The following METTL21C variants were observed in gnomAD, a reference collection of about 807,000 sequenced individuals.
METTL21C encodes the protein methyltransferase 21C, AARS1 lysine, also known as protein-lysine methyltransferase METTL21C.
Under a neutral mutation model 25.9 loss-of-function variants are expected in METTL21C, and 21 were observed. That is an observed-to-expected ratio of 0.81 (90% CI 0.58 to 1.17). The LOEUF (loss-of-function observed/expected upper bound fraction) is 1.17. METTL21C is among the 50% of genes most tolerant of loss of function. The pLI is 0.00. For missense variants in METTL21C, 312 were observed against 315.1 expected, an observed-to-expected ratio of 0.99 and a Z score of 0.07; for synonymous variants, 125 against 124.7, an observed-to-expected ratio of 1.00 and a Z score of -0.01.
Position 102,686,153 on chromosome 13 carries a change from A to T in METTL21C, c.673T>A (p.Phe225Ile). 1 of 1,614,198 alleles carries T rather than the reference A, an allele frequency of 6.2e-7. No homozygotes were observed. Among genetic ancestry groups the T allele is most frequent in the South Asian group, 1.1e-5 (1 of 91,080 alleles). ...PGTVLLWANK[F>I]RFSTDYEFLD... The stretch of plus-strand genomic sequence containing the variant: ...AATTCATAGTCGGTGCTGAACCTGA[A>T]TTTGTTTGCCCAAAGCAGCACCGTC... The change falls in exon 4 of 4, where the codon TTC (phenylalanine) becomes ATC (isoleucine). Residue 225 changes from phenylalanine to isoleucine, a missense_variant. Physicochemically the swap from Phe to Ile is conservative, Grantham distance 21. Coordinates refer to ENST00000267273, the MANE Select transcript of METTL21C (RefSeq NM_001010977.3).
chr13:102,687,917 A>G (rs1278682820), intron 2 of METTL21C, among the ~76,000 whole-genome samples: 1 of 152,162 alleles, frequency 6.6e-6, no homozygotes. Context: ...AGTAAAGGGT[A>G]TTTGATTTGC....
At position 102,685,804 on chromosome 13, in the gene METTL21C, A is replaced by G; in HGVS notation, c.*227T>C. ...TAACTTCGTTGGAACCAACAAAGCT[A>G]CTTTCATGTTTTTATGTTGTTCTTT... On this transcript the variant is annotated 3_prime_UTR_variant, in exon 4 of 4. Coordinates refer to ENST00000267273, the MANE Select transcript of METTL21C (RefSeq NM_001010977.3). 2.2e-6 allele frequency: 1 copy of G among 451,350 alleles called. No homozygotes were observed. The highest frequency in any genetic ancestry group is 3.6e-5 in the East Asian group (1 of 27,614). 28.0% of individuals were successfully genotyped at this position (451,350 alleles called of 1,614,324 possible). A position where few individuals can be genotyped will look rare whatever the true frequency, so the allele number is the denominator to read the frequency against.
upstream of METTL21C, among the ~76,000 whole-genome samples, chr13:102,697,024 C>G (rs1247072971): frequency 6.6e-6 from 1 of 152,038 alleles, no homozygotes. Flanking sequence ...TCGGAGGGCA[C>G]GCTGATGAAG....
At chr13:102,700,117 G>T in the METTL21C span, among the ~76,000 whole-genome samples, 1 of 152,320 alleles carries the variant, frequency 6.6e-6, no homozygotes, top group African/African-American at 2.4e-5. Context: ...TACCAGTGAA[G>T]AAGGAAATAA....
At chr13:102,702,936 G>T in the METTL21C span, among the ~76,000 whole-genome samples, 1 of 152,102 alleles carries the variant, frequency 6.6e-6, no homozygotes, top group Non-Finnish European at 1.5e-5. Context: ...TTTAGAAAGG[G>T]TAATTTTTAA....
At position 102,686,016 on chromosome 13, in the gene METTL21C, G is replaced by T; in HGVS notation, c.*15C>A. 6.5e-7 allele frequency: 1 copy of T among 1,546,968 alleles called. No homozygotes were observed. Among genetic ancestry groups the T allele is most frequent in the Non-Finnish European group, 8.7e-7 (1 of 1,145,598 alleles). Reference sequence around the variant, plus strand: ...CAAAAGACACAGTAACGTTGTGAAAGGCATTTTGTTGGATTTAGTCCCATT... The same window carrying T: ...CAAAAGACACAGTAACGTTGTGAAATGCATTTTGTTGGATTTAGTCCCATT... On this transcript the variant is annotated 3_prime_UTR_variant, in exon 4 of 4. Transcript: ENST00000267273.
At chr13:102,695,437 C>T (rs955226670), upstream of METTL21C, among the ~76,000 whole-genome samples, 1 of 152,080 alleles carries the variant, frequency 6.6e-6, no homozygotes, top group Non-Finnish European at 1.5e-5. Context: ...CTCAGAAACC[C>T]TTAAAATAGA....
upstream of METTL21C, among the ~76,000 whole-genome samples, chr13:102,698,314 A>G (rs1885978707): frequency 6.6e-6 from 1 of 152,154 alleles, no homozygotes; most frequent in African/African-American, 2.4e-5. Flanking sequence ...AGGGAGGGAG[A>G]GAAATGAGAC....
Position 102,694,379 on chromosome 13 carries a change from T to A in METTL21C, c.120A>T (p.Gly40=), listed in dbSNP as rs1283352557. ...KGAPQKDSTG[G]VLEESNKIEP... is the part of the protein sequence containing the mutation. Reference sequence around the variant, plus strand: ...GAAGAAGGAGGTTACCTTCTAGGACTCCCCCGGTGCTGTCTTTCTGCGGAG... The same window carrying A: ...GAAGAAGGAGGTTACCTTCTAGGACACCCCCGGTGCTGTCTTTCTGCGGAG... The change falls in exon 1 of 4, where the codon GGA becomes GGT. Residue 40 remains glycine (G), a synonymous_variant. Transcript: ENST00000267273. The A allele has an allele frequency of 3.8e-6, 6 of 1,590,518 alleles. No individual in the cohort carries two copies. The highest frequency in any genetic ancestry group is 5.1e-6 in the Non-Finnish European group (6 of 1,170,078).
intron 1 of METTL21C, among the ~76,000 whole-genome samples, chr13:102,692,050 G>A (rs141619730): frequency 2.0e-5 from 3 of 152,322 alleles, no homozygotes; most frequent in East Asian, 1.9e-4. Context: ...CGGAGAGTAG[G>A]GGGGAGGAAG....
rs1595246845 is a variant in METTL21C at position 102,694,503 on chromosome 13, G to A, written c.-5C>T. Reference sequence around the variant, plus strand: ...GGAGCTCAGACACACGTCCATAGCCGGCTGTCCCAAAGACAGCTGTGCATT... The same window carrying A: ...GGAGCTCAGACACACGTCCATAGCCAGCTGTCCCAAAGACAGCTGTGCATT... On this transcript the variant is annotated 5_prime_UTR_variant, in exon 1 of 4. Transcript: ENST00000267273. 1 of 401,556 alleles carries A rather than the reference G, an allele frequency of 2.5e-6. No homozygotes were observed. Among genetic ancestry groups the A allele is most frequent in the Non-Finnish European group, 2.9e-6 (1 of 339,790 alleles). 24.9% of individuals were successfully genotyped at this position (401,556 alleles called of 1,614,324 possible). A position where few individuals can be genotyped will look rare whatever the true frequency, so the allele number is the denominator to read the frequency against.
In METTL21C at chr13:102,690,919, A is replaced by G; in HGVS notation, c.176T>C (p.Val59Ala). 3.7e-6 allele frequency: 6 copies of G among 1,614,158 alleles called. No homozygotes were observed. The highest frequency in any genetic ancestry group is 5.1e-6 in the Non-Finnish European group (6 of 1,180,010). ...EPSLHSLQKF[V>A]PTDYASYTQE... ...AGTGTAGCTGGCGTAATCTGTAGGA[A>G]CAAATTTCTGGAGGCTATGAAGAGA... Residue 59 changes from valine to alanine, a missense_variant, in exon 2 of 4, where the codon GTT (valine) becomes GCT (alanine). By Grantham distance (64) the Val-to-Ala change is moderately conservative. Coordinates refer to ENST00000267273, the MANE Select transcript of METTL21C (RefSeq NM_001010977.3).
chr13:102,697,800 G>T (rs753262590), upstream of METTL21C, among the ~76,000 whole-genome samples: 1 of 152,184 alleles, frequency 6.6e-6, no homozygotes, highest in Non-Finnish European at 1.5e-5. Context: ...ACGCAACCCA[G>T]GGAAAGGGTG....
In METTL21C at chr13:102,694,384, C is replaced by T. The variant is rs1409843748; in HGVS notation, c.115G>A (p.Gly39Arg). 18 of 1,570,670 alleles carry T rather than the reference C, an allele frequency of 1.1e-5. No homozygotes were observed. The highest frequency in any genetic ancestry group is 2.3e-5 in the East Asian group (1 of 42,830). The change falls in exon 1 of 4, where the codon GGG (glycine) becomes AGG (arginine). Residue 39 changes from glycine (G) to arginine (R), a missense_variant. Physicochemically the swap from Gly to Arg is moderately radical, Grantham distance 125. Transcript: ENST00000267273. ...KKGAPQKDST[G>R]GVLEESNKIE... ...AGGAGGTTACCTTCTAGGACTCCCC[C>T]GGTGCTGTCTTTCTGCGGAGCCCCC...
At chr13:102,690,054 T>G (rs972430411) in intron 2 of METTL21C, among the ~76,000 whole-genome samples, 1 of 152,158 alleles carries the variant, frequency 6.6e-6, no homozygotes. Context: ...CTCAGGGCTG[T>G]GGCAGGGGTG....
intron 1 of METTL21C, 40 bp downstream of exon 1, chr13:102,694,329 A>C (rs1197096902): frequency 1.3e-6 from 2 of 1,584,632 alleles, no homozygotes; most frequent in South Asian, 2.2e-5. Context: ...CCAGGAAAAC[A>C]ACTGAGGAAA....
rs111474584 is a variant in METTL21C, at chr13:102,694,873, T to TTCTCTCTCTCTCTCTC, written c.-391_-376dup. Among the ~76,000 whole-genome samples, 3 of 128,292 alleles carry TTCTCTCTCTCTCTCTC rather than the reference T, an allele frequency of 2.3e-5. No individual in the cohort carries two copies. The highest frequency in any genetic ancestry group is 8.1e-5 in the Admixed American group (1 of 12,316). The allele number at this position is 128,292 out of a possible 152,430, so 84.2% of individuals were successfully genotyped here. On this transcript the variant is annotated 5_prime_UTR_variant, in exon 1 of 4. Transcript: ENST00000267273. ...ATTACTTTGCTAGAATTCTCTCTCT[T>TTCTCTCTCTCTCTCTC]TCTCTCTCTCTCTCTCTCTCTCTCT...
chr13:102,686,544 C>T (rs1007750702), intron 3 of METTL21C, 119 bp from the exon 4 acceptor site: 2 of 1,226,334 alleles, frequency 1.6e-6, no homozygotes, highest in African/African-American at 1.5e-5. Context: ...GGTGGGTGGG[C>T]TGGACATGTT....
chr13:102,691,275 A>C (rs1482553456), intron 1 of METTL21C, among the ~76,000 whole-genome samples: 2 of 152,116 alleles, frequency 1.3e-5, no homozygotes, highest in Non-Finnish European at 2.9e-5. Context: ...TGATGGAAAA[A>C]TGGCGAACTT....
Sources: gnomAD v4.1 joint callset for allele counts (sites outside exome capture counted in the v4.1 genomes callset) on GRCh38, gnomAD v4.1.1 for gene constraint, MANE v1.5 for transcripts, NCBI Gene and HGNC (gene_info 2026-07-23, HGNC 2026-07-21) for gene names.